Variants in SATB2 observed in about 807,000 individuals in gnomAD.
The protein encoded by SATB2 is SATB homeobox 2, also known as DNA-binding protein SATB2.
A neutral mutation model predicts 73.4 loss-of-function variants in SATB2; 1 was observed. The observed-to-expected ratio is 0.01, with a 90% CI of 0.00 to 0.06. SATB2 has a LOEUF of 0.06. Among genes scored for constraint, SATB2 ranks in the 10% least tolerant of loss-of-function variants. SATB2 has a pLI of 1.00. For missense variants in SATB2, 459 were observed against 945.8 expected, an observed-to-expected ratio of 0.49 and a Z score of 6.75; for synonymous variants, 397 against 367.0, an observed-to-expected ratio of 1.08 and a Z score of -0.93.
chr2:199,362,606 T>C (rs1277520232), intron 6 of SATB2, among the ~76,000 whole-genome samples: 5 of 152,122 alleles, frequency 3.3e-5, no homozygotes, highest in African/African-American at 1.2e-4. Context: ...TAGTTAAAAT[T>C]ATTTACTTAA....
intron 3 of SATB2, among the ~76,000 whole-genome samples, chr2:199,429,050 C>G (rs1167210396): frequency 1.3e-5 from 2 of 150,798 alleles, no homozygotes; most frequent in Admixed American, 6.6e-5. Flanking sequence ...AAAACCAACT[C>G]TAAGAAATCC....
At chr2:199,292,558 T>C (rs536128695) in intron 10 of SATB2, among the ~76,000 whole-genome samples, 2 of 152,328 alleles carry the variant, frequency 1.3e-5, no homozygotes, top group East Asian at 3.9e-4. Context: ...CTTATTCAGA[T>C]GAGTTAAACT....
chr2:199,290,042 C>T (rs1333449475), intron 10 of SATB2, among the ~76,000 whole-genome samples: 1 of 152,226 alleles, frequency 6.6e-6, no homozygotes, highest in Non-Finnish European at 1.5e-5. Context: ...GGCCCCGTAA[C>T]CTCACTGCAG....
At chr2:199,352,918 T>C (rs982404236) in intron 6 of SATB2, among the ~76,000 whole-genome samples, 2 of 152,122 alleles carry the variant, frequency 1.3e-5, no homozygotes, top group Non-Finnish European at 2.9e-5. Flanking sequence ...GATCTGCCCA[T>C]AGGCTACCAG....
intron 7 of SATB2, among the ~76,000 whole-genome samples, chr2:199,342,025 T>C (rs1688520795): frequency 6.6e-6 from 1 of 152,124 alleles, no homozygotes; most frequent in Non-Finnish European, 1.5e-5. Context: ...CCTGTTGTCA[T>C]CCTCCTGTAC....
At chr2:199,351,079 T>TAAACTTCCA (rs984862301) in intron 6 of SATB2, among the ~76,000 whole-genome samples, 1 of 149,726 alleles carries the variant, frequency 6.7e-6, no homozygotes, top group Non-Finnish European at 1.5e-5. Context: ...AACATTCCTA[T>TAAACTTCCA]AAACTTCCAA....
At chr2:199,373,417 C>G (rs1012967023) in intron 5 of SATB2, among the ~76,000 whole-genome samples, 2 of 152,128 alleles carry the variant, frequency 1.3e-5, no homozygotes, top group African/African-American at 4.8e-5. Context: ...CTTCTACTAT[C>G]CCTCTCTGTC....
At chr2:199,428,544 C>T (rs1477507806) in intron 3 of SATB2, among the ~76,000 whole-genome samples, 1 of 152,168 alleles carries the variant, frequency 6.6e-6, no homozygotes, top group Non-Finnish European at 1.5e-5. Context: ...AGCTCTTCCA[C>T]CCACTAGCCT....
At chr2:199,383,455 T>C (rs554826590) in intron 3 of SATB2, among the ~76,000 whole-genome samples, 1 of 152,344 alleles carries the variant, frequency 6.6e-6, no homozygotes, top group Admixed American at 6.5e-5. Flanking sequence ...CCATGTAACA[T>C]GTCTAACATA....
chr2:199,367,650 C>T (rs1004816949), intron 6 of SATB2, among the ~76,000 whole-genome samples: 1 of 152,098 alleles, frequency 6.6e-6, no homozygotes, highest in Non-Finnish European at 1.5e-5. Flanking sequence ...GCAGAGTAAG[C>T]AAGGCTATGA....
chr2:199,310,722 A>T (rs893037786), intron 9 of SATB2, among the ~76,000 whole-genome samples: 1 of 152,216 alleles, frequency 6.6e-6, no homozygotes, highest in Non-Finnish European at 1.5e-5. Context: ...GAGCATGGAG[A>T]CTAACCATTT....
At chr2:199,401,178 C>T (rs189500908) in intron 3 of SATB2, among the ~76,000 whole-genome samples, 1 of 152,250 alleles carries the variant, frequency 6.6e-6, no homozygotes, top group Admixed American at 6.5e-5. Flanking sequence ...TAACTATACT[C>T]ATGAAACTTA....
intron 7 of SATB2, among the ~76,000 whole-genome samples, chr2:199,331,266 T>C (rs987884838): frequency 5.3e-5 from 8 of 151,974 alleles, no homozygotes; most frequent in Non-Finnish European, 8.8e-5. Flanking sequence ...CTACATTTTT[T>C]ACATACTGGA....
intron 5 of SATB2, among the ~76,000 whole-genome samples, chr2:199,370,946 C>CAA (rs67348909): frequency 2.7e-4 from 19 of 69,524 alleles, no homozygotes; most frequent in African/African-American, 4.6e-4. Flanking sequence ...ATGAACTGAG[C>CAA]AAAAAAAAAA....
At chr2:199,466,126 C>T (rs1692587683), upstream of SATB2, among the ~76,000 whole-genome samples, 1 of 152,180 alleles carries the variant, frequency 6.6e-6, no homozygotes, top group Non-Finnish European at 1.5e-5. Context: ...CTTCCGGAGA[C>T]CCGGAGTTAC....
At chr2:199,298,714 T>C (rs891613611) in intron 10 of SATB2, among the ~76,000 whole-genome samples, 13 of 152,166 alleles carry the variant, frequency 8.5e-5, no homozygotes, top group African/African-American at 2.9e-4. Context: ...GTGTGAGTGA[T>C]TGGGCCCAAA....
chr2:199,469,071 G>T (rs1017794352), upstream of SATB2, among the ~76,000 whole-genome samples: 1 of 152,156 alleles, frequency 6.6e-6, no homozygotes, highest in African/African-American at 2.4e-5. Context: ...GAAAGGCCGC[G>T]CGGAGGCGAG....
chr2:199,406,485 C>T (rs190242135), intron 3 of SATB2, among the ~76,000 whole-genome samples: 86 of 152,248 alleles, frequency 5.6e-4, no homozygotes, highest in South Asian at 2.5e-3. Context: ...GCATTTTCCA[C>T]GGATAATCTA....
intron 3 of SATB2, among the ~76,000 whole-genome samples, chr2:199,431,773 T>C (rs375898985): frequency 6.6e-6 from 1 of 152,150 alleles, no homozygotes; most frequent in Non-Finnish European, 1.5e-5. Flanking sequence ...GTGTTCCACA[T>C]GTGAGCTCGC....
Sources: allele counts gnomAD v4.1 joint callset (sites outside exome capture counted in the v4.1 genomes callset), GRCh38; gene constraint gnomAD v4.1.1; transcripts MANE v1.5; gene names NCBI Gene and HGNC (gene_info 2026-07-23, HGNC 2026-07-21).